The following MCF2 variants were observed in gnomAD, a reference collection of about 807,000 sequenced individuals.
MCF2 encodes the protein proto-oncogene DBL.
A neutral mutation model predicts 82.5 loss-of-function variants in MCF2; 44 were observed. The ratio of observed to expected loss-of-function variants is 0.53; its 90% CI spans 0.42 to 0.69. The LOEUF (loss-of-function observed/expected upper bound fraction) is 0.69, where lower values mean the gene tolerates loss of function less well. Ranked by LOEUF, MCF2 falls within the 30% of genes least tolerant of loss-of-function variation. MCF2 has a pLI of 0.00. For synonymous variants in MCF2, 217 were observed against 224.9 expected, an observed-to-expected ratio of 0.96 and a Z score of 0.32; for missense variants, 623 against 663.1, an observed-to-expected ratio of 0.94 and a Z score of 0.66.
At chrX:139,598,709 C>A (rs1302846898) in intron 16 of MCF2, among the ~76,000 whole-genome samples, 1 of 111,456 alleles carries the variant, frequency 9.0e-6, no homozygotes, top group African/African-American at 3.3e-5. Context: ...GAGAGGTAAA[C>A]AATTTCAACA....
intron 1 of MCF2, among the ~76,000 whole-genome samples, chrX:139,700,503 AGTTGGAGGAGAGTTTCACCGCCACTGCCC>A (rs1375009118): frequency 1.8e-5 from 2 of 111,901 alleles, no homozygotes; most frequent in African/African-American, 6.5e-5. Context: ...ATACCCTTGT[AGTTGGAGGAGAGTTTCACCGCCACTGCCC>A]ATATTCAGAC....
intron 1 of MCF2, among the ~76,000 whole-genome samples, chrX:139,668,999 T>C (rs959260514): frequency 4.5e-5 from 5 of 111,817 alleles, no homozygotes; most frequent in African/African-American, 9.8e-5. Flanking sequence ...TTCTTATTTA[T>C]ACATTACATC....
At chrX:139,605,274 A>G (rs1930898790) in intron 13 of MCF2, among the ~76,000 whole-genome samples, 1 of 110,461 alleles carries the variant, frequency 9.1e-6, no homozygotes, top group East Asian at 2.8e-4. Flanking sequence ...TGTAGGAAAC[A>G]AGATAGAAAC....
intron 1 of MCF2, among the ~76,000 whole-genome samples, chrX:139,676,344 G>C (rs1282354985): frequency 6.3e-5 from 7 of 111,940 alleles, no homozygotes; most frequent in Non-Finnish European, 5.6e-5. Context: ...TGTCCAACAA[G>C]TCCCAGTGAG....
intron 6 of MCF2, 95 bp from the exon 10 acceptor site, chrX:139,619,801 T>C: frequency 1.6e-6 from 1 of 630,075 alleles, no homozygotes; most frequent in East Asian, 3.8e-5. Context: ...AATATTGACA[T>C]GGAGAAATTA....
chrX:139,625,291 T>C (rs12839442), intron 6 of MCF2, among the ~76,000 whole-genome samples: 69 of 111,857 alleles, frequency 6.2e-4, no homozygotes, highest in Non-Finnish European at 1.2e-3. Flanking sequence ...GGAAAAGTGC[T>C]ATTTTCTGTG....
intron 1 of MCF2, among the ~76,000 whole-genome samples, chrX:139,664,826 T>C (rs766234585): frequency 8.9e-6 from 1 of 112,052 alleles, no homozygotes; most frequent in Admixed American, 9.4e-5. Flanking sequence ...CCAAGGCCCA[T>C]GGCATACTAC....
At chrX:139,699,553 T>C (rs1467284535) in intron 1 of MCF2, among the ~76,000 whole-genome samples, 1 of 112,133 alleles carries the variant, frequency 8.9e-6, no homozygotes, top group Non-Finnish European at 1.9e-5. Context: ...CTATTTTCTG[T>C]CTCAATGGAT....
At chrX:139,611,377 CA>C (rs1449655505) in intron 10 of MCF2, among the ~76,000 whole-genome samples, 1 of 111,943 alleles carries the variant, frequency 8.9e-6, no homozygotes, top group East Asian at 2.8e-4. Context: ...GGGAATTATA[CA>C]AAATTAATTT....
rs149562038 is a variant in MCF2, at chrX:139,602,462, T to C, written c.1780A>G (p.Asn594Asp). The change falls in exon 16 of 25, where the codon AAT becomes GAT. Residue 594 changes from asparagine (N) to aspartate (D), a missense_variant. Asn to Asp is a conservative substitution (Grantham distance 23, BLOSUM62 1). Transcript: ENST00000370576. The stretch of plus-strand genomic sequence containing the variant: ...CAAATTGTTTCTGATCTGGGCTTAT[T>C]CTGACAATATTTTGCATACATCTGA... 1,353 of 1,200,241 alleles carry C rather than the reference T, an allele frequency of 1.1e-3. No individual in the cohort carries two copies. The highest frequency in any genetic ancestry group is 1.5e-3 in the Non-Finnish European group (1,298 of 888,531).
chrX:139,616,270 A>G lies in MCF2; in HGVS notation c.1191+12T>C, dbSNP rs1167430305. The G allele has an allele frequency of 3.0e-6, 3 of 1,009,936 alleles. No homozygotes were observed. Among genetic ancestry groups the G allele is most frequent in the Non-Finnish European group, 3.9e-6 (3 of 766,570 alleles). 83.2% of individuals were successfully genotyped at this position (1,009,936 alleles called of 1,213,427 possible). ...TCTTTAAATATTTATTTGAAAATAA[A>G]AAAGCCTCTACCTTAAGCTCAGGAG... is the stretch of plus-strand genomic sequence containing the variant. On this transcript the variant is annotated intron_variant, in intron 9 of 24. Coordinates refer to ENST00000370576, the Ensembl canonical transcript of MCF2.
At chrX:139,589,779 G>A in intron 20 of MCF2, 56 bp downstream of exon 24, 1 of 834,899 alleles carries the variant, frequency 1.2e-6, no homozygotes, top group Non-Finnish European at 1.7e-6. Context: ...TATAAATTCG[G>A]GCTTTTGTAT....
upstream of MCF2, chrX:139,645,802 C>T (rs41310454): frequency 0.11 from 47,373 of 430,184 alleles, 2,369 homozygotes; most frequent in Non-Finnish European, 0.14. Context: ...ATCACAAAGT[C>T]CTATCTTAGA....
At chrX:139,653,549 G>A (rs1472402774) in intron 1 of MCF2, among the ~76,000 whole-genome samples, 1 of 111,018 alleles carries the variant, frequency 9.0e-6, no homozygotes, top group African/African-American at 3.3e-5. Context: ...CTCATGTAAT[G>A]AGAGAGGCCT....
chrX:139,646,525 G>A (rs1374772571), upstream of MCF2, among the ~76,000 whole-genome samples: 7 of 111,218 alleles, frequency 6.3e-5, no homozygotes, highest in East Asian at 2.0e-3. Context: ...TATGACCATC[G>A]TTCTCAACCT....
intron 19 of MCF2, among the ~76,000 whole-genome samples, chrX:139,594,403 G>A (rs1465068555): frequency 3.6e-5 from 4 of 110,950 alleles, no homozygotes; most frequent in African/African-American, 1.3e-4. Flanking sequence ...ACAGAACAGA[G>A]CACTCAGAAA....
In MCF2 at chrX:139,600,464, G is replaced by T. The variant is rs897859158; in HGVS notation, c.1836+1942C>A. On this transcript the variant is annotated intron_variant, in intron 16 of 24. Coordinates refer to ENST00000370576, the Ensembl canonical transcript of MCF2. ...GAAAGAGTAAAACACAGGCCCTATG[G>T]ACCAAAGGATACAAGGTTCAACTTA... is the stretch of plus-strand genomic sequence containing the variant. Among the ~76,000 whole-genome samples the T allele has an allele frequency of 2.7e-5, 3 of 110,829 alleles. No individual in the cohort carries two copies. The Admixed American group carries it at 2.9e-4, about 11-fold the overall frequency.
At chrX:139,675,051 G>A (rs1177157954) in intron 1 of MCF2, among the ~76,000 whole-genome samples, 1 of 111,461 alleles carries the variant, frequency 9.0e-6, no homozygotes, top group African/African-American at 3.3e-5. Context: ...TTCTCTTCTC[G>A]CTTGGTTTCA....
chrX:139,622,129 A>G (rs1932426653), intron 6 of MCF2, among the ~76,000 whole-genome samples: 1 of 112,483 alleles, frequency 8.9e-6, no homozygotes, highest in South Asian at 3.7e-4. Flanking sequence ...GCATGAAAAA[A>G]TGCTCATCAT....
Sources: allele counts gnomAD v4.1 joint callset (sites outside exome capture counted in the v4.1 genomes callset), GRCh38; gene constraint gnomAD v4.1.1; transcripts MANE v1.5; gene names NCBI Gene and HGNC (gene_info 2026-07-23, HGNC 2026-07-21).